SEL1L3: variants seen among roughly 807,000 people sequenced by gnomAD.
The protein encoded by SEL1L3 is protein sel-1 homolog 3.
SEL1L3 carries 76 observed loss-of-function variants against 142.8 expected under a neutral mutation model. The observed-to-expected ratio is 0.53, with a 90% CI of 0.44 to 0.64. The LOEUF (loss-of-function observed/expected upper bound fraction) is 0.64. Ranked by LOEUF, SEL1L3 falls within the 30% of genes least tolerant of loss-of-function variation. The pLI, the probability that SEL1L3 is intolerant of heterozygous loss-of-function variation, is 0.00. For synonymous variants in SEL1L3, 504 were observed against 519.6 expected, an observed-to-expected ratio of 0.97 and a Z score of 0.41; for missense variants, 1,262 against 1,381.7, an observed-to-expected ratio of 0.91 and a Z score of 1.37.
chr4:25,842,550 G>A (rs73117336), intron 2 of SEL1L3, among the ~76,000 whole-genome samples: 3,529 of 152,292 alleles, frequency 0.023, 125 homozygotes, highest in African/African-American at 0.079. Context: ...CTTAACTAGC[G>A]CAGCCCTGGT....
At chr4:25,783,922 T>C (rs2109175565) in intron 14 of SEL1L3, among the ~76,000 whole-genome samples, 1 of 152,240 alleles carries the variant, frequency 6.6e-6, no homozygotes, top group Middle Eastern at 3.4e-3. Context: ...CTGCTGCTTG[T>C]TATCAGGGCA....
chr4:25,783,843 C>T (rs1012111598), intron 14 of SEL1L3, among the ~76,000 whole-genome samples: 9 of 152,190 alleles, frequency 5.9e-5, no homozygotes, highest in Admixed American at 3.3e-4. Context: ...CAGAGTTAAC[C>T]TTCAAAGGAG....
chr4:25,714,555 C>CTTTCTTG, the SEL1L3 span, among the ~76,000 whole-genome samples: 88 of 65,864 alleles, frequency 1.3e-3, no homozygotes, highest in Middle Eastern at 0.017. Flanking sequence ...TTTCTTTCTT[C>CTTTCTTG]TTTCTTTCTT....
chr4:25,847,553 A>G lies in SEL1L3; in HGVS notation c.474T>C (p.Asp158=), dbSNP rs952939465. 4.3e-6 allele frequency: 7 copies of G among 1,613,958 alleles called. No individual in the cohort carries two copies. Among genetic ancestry groups the G allele is most frequent in the Non-Finnish European group, 5.9e-6 (7 of 1,179,842 alleles). Residue 158 remains aspartate (D), a synonymous_variant, in exon 2 of 24, where the codon GAT becomes GAC. Coordinates refer to ENST00000399878, the MANE Select transcript of SEL1L3 (RefSeq NM_015187.5). ...AGATGGAATGTCTGATGAAATAATC[A>G]TCTCTGTAAACCATAATGCTTGGAA... ...VKFPSIMVYR[D]DYFIRHSISV...
At chr4:25,850,611 G>C (rs184224278) in intron 1 of SEL1L3, among the ~76,000 whole-genome samples, 1 of 152,328 alleles carries the variant, frequency 6.6e-6, no homozygotes, top group African/African-American at 2.4e-5. Context: ...ACTGAAAGTT[G>C]TGCAAAATGA....
At chr4:25,820,373 C>T (rs1048877820) in intron 7 of SEL1L3, among the ~76,000 whole-genome samples, 6 of 152,262 alleles carry the variant, frequency 3.9e-5, no homozygotes, top group Non-Finnish European at 8.8e-5. Context: ...GGCTTCAGGA[C>T]AGGCCCCCCT....
intron 9 of SEL1L3, among the ~76,000 whole-genome samples, chr4:25,807,630 T>C (rs1713680288): frequency 6.6e-6 from 1 of 152,084 alleles, no homozygotes; most frequent in South Asian, 2.1e-4. Flanking sequence ...ACTAAGATGA[T>C]GAATTTTGCC....
chr4:25,797,827 CT>C (rs1196755284), intron 11 of SEL1L3, among the ~76,000 whole-genome samples: 1 of 152,186 alleles, frequency 6.6e-6, no homozygotes, highest in Non-Finnish European at 1.5e-5. Flanking sequence ...CCTCAGGCAG[CT>C]CATAGTCTAC....
the SEL1L3 span, among the ~76,000 whole-genome samples, chr4:25,729,927 CCTT>C: frequency 2.2e-4 from 34 of 151,334 alleles, no homozygotes; most frequent in South Asian, 3.4e-3. Context: ...TTCTTCTTCT[CCTT>C]CTTCTTCTTC....
intron 10 of SEL1L3, 89 bp from the exon 11 acceptor site, chr4:25,802,551 A>G: frequency 9.2e-7 from 1 of 1,085,172 alleles, no homozygotes; most frequent in Non-Finnish European, 1.4e-6. Flanking sequence ...CCCAATTCCT[A>G]TATACAATCC....
the SEL1L3 span, among the ~76,000 whole-genome samples, chr4:25,737,002 T>G: frequency 1.3e-5 from 2 of 152,134 alleles, no homozygotes; most frequent in African/African-American, 4.8e-5. Flanking sequence ...TTTTCTTTTT[T>G]TTGAGACAGA....
the SEL1L3 span, among the ~76,000 whole-genome samples, chr4:25,733,075 T>C: frequency 9.4e-5 from 14 of 148,668 alleles, no homozygotes; most frequent in South Asian, 2.2e-4. Context: ...TTTTTTTTTT[T>C]CCCAACTGGG....
intron 7 of SEL1L3, among the ~76,000 whole-genome samples, chr4:25,821,415 C>T (rs1004138827): frequency 2.0e-5 from 3 of 152,194 alleles, no homozygotes; most frequent in Non-Finnish European, 4.4e-5. Context: ...AGCCCTCTCC[C>T]CCGACCAGTC....
At chr4:25,803,806 T>G (rs1713356440) in intron 10 of SEL1L3, among the ~76,000 whole-genome samples, 1 of 151,876 alleles carries the variant, frequency 6.6e-6, no homozygotes, top group African/African-American at 2.4e-5. Context: ...GTTGTTTTGG[T>G]TTTTTTCCTG....
chr4:25,796,010 A>G (rs1339603163), intron 11 of SEL1L3, among the ~76,000 whole-genome samples: 1 of 152,034 alleles, frequency 6.6e-6, no homozygotes, highest in East Asian at 1.9e-4. Flanking sequence ...CAGCCTGACC[A>G]GTTCTGGGAT....
chr4:25,787,770 C>A (rs537506551), intron 13 of SEL1L3, among the ~76,000 whole-genome samples: 6 of 152,190 alleles, frequency 3.9e-5, no homozygotes, highest in Non-Finnish European at 8.8e-5. Context: ...GACTTTCACG[C>A]TTGTCTCCTA....
chr4:25,778,919 T>C (rs1305309233), intron 16 of SEL1L3, among the ~76,000 whole-genome samples, 157 bp downstream of exon 16: 4 of 152,224 alleles, frequency 2.6e-5, no homozygotes. Flanking sequence ...AAATTTTTAA[T>C]TAAAAGTTTT....
chr4:25,835,029 A>AAT (rs1305953219), intron 3 of SEL1L3, among the ~76,000 whole-genome samples, 168 bp downstream of exon 3: 1,535 of 152,304 alleles, frequency 0.01, 16 homozygotes, highest in Non-Finnish European at 0.016. Flanking sequence ...GACTCATTTG[A>AAT]GGTTTTCAGG....
At position 25,806,080 on chromosome 4, in the gene SEL1L3, C is replaced by G. The variant is rs1234826356; in HGVS notation, c.1565-1328G>C. On this transcript the variant is annotated intron_variant, in intron 9 of 23. Coordinates refer to ENST00000399878, the MANE Select transcript of SEL1L3 (RefSeq NM_015187.5). ...TTGAGATGGAGTCTTGCTCTGTCGC[C>G]CAGGCTGGAGTGCAGTGGCGCGATC... is the stretch of plus-strand genomic sequence containing the variant. Among the ~76,000 whole-genome samples the G allele has an allele frequency of 1.3e-5, 2 of 149,254 alleles. 1 individual carries two copies. Among genetic ancestry groups the G allele is most frequent in the East Asian group, 3.9e-4 (2 of 5,100 alleles).
Sources: allele counts gnomAD v4.1 joint callset (sites outside exome capture counted in the v4.1 genomes callset), GRCh38; gene constraint gnomAD v4.1.1; transcripts MANE v1.5; gene names NCBI Gene and HGNC (gene_info 2026-07-23, HGNC 2026-07-21).